CTBP2: variants seen among roughly 807,000 people sequenced by gnomAD.
CTBP2 encodes C-terminal-binding protein 2.
A neutral mutation model predicts 80.3 loss-of-function variants in CTBP2; 30 were observed. That is an observed-to-expected ratio of 0.37 (90% CI 0.28 to 0.51). The LOEUF (loss-of-function observed/expected upper bound fraction) is 0.51, where lower values mean the gene tolerates loss of function less well. CTBP2 is among the 20% of genes least tolerant of loss of function. CTBP2 has a pLI of 0.93. For synonymous variants in CTBP2, 594 were observed against 587.4 expected (o/e 1.01, Z -0.16); for missense variants, 1,212 against 1,375.3 (o/e 0.88, Z 1.88).
intron 1 of CTBP2, among the ~76,000 whole-genome samples, chr10:125,120,409 C>T (rs776129462): frequency 5.3e-5 from 8 of 152,188 alleles, no homozygotes; most frequent in Middle Eastern, 3.2e-3. Flanking sequence ...TTTTTTGAGA[C>T]GGAGTCTCAC....
chr10:125,142,691 A>G (rs924351112), intron 1 of CTBP2, among the ~76,000 whole-genome samples: 1 of 152,224 alleles, frequency 6.6e-6, no homozygotes, highest in African/African-American at 2.4e-5. Flanking sequence ...GACTTGCTTT[A>G]TGCAGTGAAC....
chr10:125,040,390 G>A (rs374080580), intron 2 of CTBP2, among the ~76,000 whole-genome samples: 10 of 148,988 alleles, frequency 6.7e-5, no homozygotes, highest in African/African-American at 2.5e-4. Context: ...GGGAGGTGGA[G>A]GTTGCAGTGA....
chr10:125,151,288 C>T (rs1316058281), intron 1 of CTBP2, among the ~76,000 whole-genome samples: 1 of 152,154 alleles, frequency 6.6e-6, no homozygotes, highest in Non-Finnish European at 1.5e-5. Flanking sequence ...AACCTCTAGT[C>T]ACATGCCTCG....
At chr10:125,045,453 C>T (rs981565982) in intron 2 of CTBP2, among the ~76,000 whole-genome samples, 4 of 152,144 alleles carry the variant, frequency 2.6e-5, no homozygotes, top group South Asian at 2.1e-4. Context: ...AATAAAGAGG[C>T]GTACAGGAAA....
chr10:125,026,024 C>T, intron 1 of CTBP2: 3 of 1,521,030 alleles, frequency 2.0e-6, no homozygotes, highest in Non-Finnish European at 2.6e-6. Context: ...TTCTACAACC[C>T]CGCACCCCCC....
At chr10:125,118,965 A>G (rs958395420) in intron 1 of CTBP2, among the ~76,000 whole-genome samples, 1 of 152,206 alleles carries the variant, frequency 6.6e-6, no homozygotes, top group Non-Finnish European at 1.5e-5. Flanking sequence ...AGGAGCGGAC[A>G]TAGGAGATGG....
In CTBP2 at chr10:125,026,589, GAGCCGCAGCGCCCAGAGA is replaced by G; in HGVS notation, c.1153_1170del (p.Ser385_Ala390del). 1 of 1,561,840 alleles carries G rather than the reference GAGCCGCAGCGCCCAGAGA, an allele frequency of 6.4e-7. No individual in the cohort carries two copies. Among genetic ancestry groups the G allele is most frequent in the Non-Finnish European group, 8.7e-7 (1 of 1,153,636 alleles). On this transcript the variant is annotated inframe_deletion, in exon 1 of 9. Coordinates refer to ENST00000309035, the MANE Select transcript of CTBP2 (RefSeq NM_022802.3). ...GCTCGGGGGGATGCTGTCTGCAGAGGAGCCGCAGCGCCCAGAGAAGCCAAGTCACCATGGAGCAGTTCG... is the reference window on the plus strand; with the variant it reads ...GCTCGGGGGGATGCTGTCTGCAGAGGAGCCAAGTCACCATGGAGCAGTTCG...
At chr10:125,078,649 G>A (rs61148818) in intron 2 of CTBP2, among the ~76,000 whole-genome samples, 9,733 of 152,130 alleles carry the variant, frequency 0.064, 323 homozygotes, top group East Asian at 0.097. Context: ...TGCGATGGTT[G>A]GGGACAGCTC....
chr10:125,086,396 G>A (rs1590667613), intron 2 of CTBP2, among the ~76,000 whole-genome samples: 1 of 152,068 alleles, frequency 6.6e-6, no homozygotes, highest in East Asian at 1.9e-4. Context: ...GTCGAGCGTG[G>A]TAAACTTTGA....
At chr10:125,097,677 G>A (rs550862453) in intron 2 of CTBP2, among the ~76,000 whole-genome samples, 1 of 148,626 alleles carries the variant, frequency 6.7e-6, no homozygotes, top group Non-Finnish European at 1.5e-5. Context: ...GCACACGTGT[G>A]AGCATGCACA....
intron 2 of CTBP2, among the ~76,000 whole-genome samples, chr10:125,085,580 C>T (rs1321760136): frequency 1.3e-5 from 2 of 152,200 alleles, no homozygotes; most frequent in African/African-American, 2.4e-5. Context: ...GAAACGAGGG[C>T]GAAGAACCTC....
chr10:125,122,297 C>T (rs974889982), intron 1 of CTBP2, among the ~76,000 whole-genome samples: 7 of 152,230 alleles, frequency 4.6e-5, no homozygotes, highest in Non-Finnish European at 1.0e-4. Flanking sequence ...ATGCTGTTCT[C>T]ACATGATGAA....
chr10:125,017,314 C>T (rs568329697), intron 1 of CTBP2, among the ~76,000 whole-genome samples: 81 of 152,256 alleles, frequency 5.3e-4, no homozygotes, highest in African/African-American at 1.6e-3. Flanking sequence ...TTTGGAGAGG[C>T]GATAAAGGCA....
At chr10:125,148,384 C>T (rs566174933) in intron 1 of CTBP2, among the ~76,000 whole-genome samples, 1 of 152,228 alleles carries the variant, frequency 6.6e-6, no homozygotes, top group Non-Finnish European at 1.5e-5. Flanking sequence ...CCATGTGCTG[C>T]TGCAGCCCCC....
intron 1 of CTBP2, among the ~76,000 whole-genome samples, chr10:125,013,928 C>G (rs536273915): frequency 2.6e-5 from 4 of 152,318 alleles, no homozygotes; most frequent in African/African-American, 9.6e-5. Context: ...TCTTAAAGTT[C>G]TCTCTCTTTT....
chr10:125,016,154 A>G (rs1191250098), intron 1 of CTBP2, among the ~76,000 whole-genome samples: 2 of 152,220 alleles, frequency 1.3e-5, no homozygotes, highest in Non-Finnish European at 2.9e-5. Flanking sequence ...GAGGAAGGCC[A>G]TGAGGCCCCG....
intron 1 of CTBP2, among the ~76,000 whole-genome samples, chr10:125,126,397 T>C (rs977322883): frequency 1.3e-5 from 2 of 152,218 alleles, no homozygotes; most frequent in African/African-American, 4.8e-5. Context: ...GCTTCTCTCT[T>C]TGGGTTCAGG....
At chr10:125,152,635 C>T (rs1860196146) in intron 1 of CTBP2, among the ~76,000 whole-genome samples, 1 of 151,894 alleles carries the variant, frequency 6.6e-6, no homozygotes, top group Admixed American at 6.5e-5. Context: ...CCAGATTTTA[C>T]TTGTAGGCAC....
At chr10:125,132,626 C>T (rs1856367329) in intron 1 of CTBP2, among the ~76,000 whole-genome samples, 2 of 152,200 alleles carry the variant, frequency 1.3e-5, no homozygotes, top group Admixed American at 6.5e-5. Flanking sequence ...AAGCCAAGCA[C>T]CAGTATTCGC....
Sources: allele counts gnomAD v4.1 joint callset (sites outside exome capture counted in the v4.1 genomes callset), GRCh38; gene constraint gnomAD v4.1.1; transcripts MANE v1.5; gene names NCBI Gene and HGNC (gene_info 2026-07-23, HGNC 2026-07-21).